PTGER3: variants seen among roughly 807,000 people sequenced by gnomAD.
PTGER3 encodes prostaglandin E receptor 3, also known as prostaglandin E2 receptor EP3 subtype.
In PTGER3, 22 loss-of-function variants were observed where a neutral mutation model predicts 34.7. The observed-to-expected ratio is 0.63, with a 90% CI of 0.45 to 0.91. The LOEUF is 0.91. Ranked by LOEUF, PTGER3 falls within the 40% of genes least tolerant of loss-of-function variation. The probability of loss-of-function intolerance (pLI) is 0.00; values close to 1 mark genes in which losing one functional copy is unlikely to be tolerated. For synonymous variants in PTGER3, 241 were observed against 230.1 expected (o/e 1.05, Z -0.43); for missense variants, 468 against 519.4 (o/e 0.90, Z 0.96).
At chr1:70,866,810 C>T (rs1199077020) in intron 4 of PTGER3, among the ~76,000 whole-genome samples, 1 of 152,178 alleles carries the variant, frequency 6.6e-6, no homozygotes, top group Non-Finnish European at 1.5e-5. Context: ...TAACTCCAAT[C>T]TGGACTTCTG....
intron 4 of PTGER3, among the ~76,000 whole-genome samples, chr1:70,922,527 G>T (rs1201104061): frequency 3.3e-5 from 5 of 152,182 alleles, no homozygotes; most frequent in South Asian, 4.2e-4. Context: ...ATGCCCACTA[G>T]CTGTGCTGGA....
At chr1:71,010,476 G>T (rs1040377630) in intron 2 of PTGER3, 2 of 983,538 alleles carry the variant, frequency 2.0e-6, no homozygotes, top group Non-Finnish European at 2.4e-6. Flanking sequence ...TATACTAGAT[G>T]CTGGAAGGAA....
exon 5 of PTGER3, chr1:70,852,539 G>T: frequency 2.3e-6 from 1 of 426,502 alleles, no homozygotes; most frequent in Non-Finnish European, 4.1e-6. Flanking sequence ...TAAATCTCAA[G>T]AAACATAATT....
intron 4 of PTGER3, among the ~76,000 whole-genome samples, chr1:70,893,698 A>T (rs191725016): frequency 3.4e-3 from 512 of 152,332 alleles, no homozygotes; most frequent in African/African-American, 0.012. Flanking sequence ...GGATTTTATT[A>T]CACAAAGTGT....
chr1:70,957,433 C>T (rs971151495), intron 2 of PTGER3, among the ~76,000 whole-genome samples: 3 of 152,178 alleles, frequency 2.0e-5, no homozygotes, highest in African/African-American at 4.8e-5. Flanking sequence ...TTATGAACAA[C>T]ATAAATATCT....
At chr1:70,966,031 A>G (rs1652480666), downstream of PTGER3, among the ~76,000 whole-genome samples, 1 of 152,192 alleles carries the variant, frequency 6.6e-6, no homozygotes, top group Non-Finnish European at 1.5e-5. Flanking sequence ...ACCAACTTTT[A>G]TCTGGAAATA....
chr1:70,982,961 A>G (rs1196280911), intron 2 of PTGER3, among the ~76,000 whole-genome samples: 1 of 152,280 alleles, frequency 6.6e-6, no homozygotes, highest in Admixed American at 6.5e-5. Context: ...TTATTTGTCA[A>G]TTAAAAATAA....
intron 4 of PTGER3, among the ~76,000 whole-genome samples, chr1:70,867,710 G>A (rs1023374390): frequency 4.0e-5 from 6 of 151,822 alleles, no homozygotes; most frequent in Non-Finnish European, 5.9e-5. Flanking sequence ...GGGTGACAGA[G>A]TAAGACTTCA....
At chr1:70,964,994 G>T (rs1652361723) in intron 2 of PTGER3, among the ~76,000 whole-genome samples, 1 of 152,200 alleles carries the variant, frequency 6.6e-6, no homozygotes, top group South Asian at 2.1e-4. Context: ...TCTAAAGGAA[G>T]GAGGTTTCTT....
At chr1:71,003,524 G>A (rs1304043158) in intron 2 of PTGER3, among the ~76,000 whole-genome samples, 1 of 152,138 alleles carries the variant, frequency 6.6e-6, no homozygotes, top group Non-Finnish European at 1.5e-5. Context: ...TGGATAACTT[G>A]TAATATTTTT....
chr1:70,858,978 T>A (rs1165797941), intron 4 of PTGER3, among the ~76,000 whole-genome samples: 1 of 152,208 alleles, frequency 6.6e-6, no homozygotes, highest in East Asian at 1.9e-4. Context: ...TTCAATAAGG[T>A]GTTAGGTATC....
At chr1:70,907,426 G>C (rs1572613840) in intron 4 of PTGER3, among the ~76,000 whole-genome samples, 1 of 152,204 alleles carries the variant, frequency 6.6e-6, no homozygotes, top group African/African-American at 2.4e-5. Flanking sequence ...TATCAATCAG[G>C]ACATGATGCG....
intron 2 of PTGER3, among the ~76,000 whole-genome samples, chr1:70,958,743 A>T (rs1284958517): frequency 6.6e-6 from 1 of 152,120 alleles, no homozygotes; most frequent in African/African-American, 2.4e-5. Context: ...TATTCAAAAA[A>T]CCTTTTCCCA....
chr1:70,954,865 T>C (rs1433742512), intron 2 of PTGER3, among the ~76,000 whole-genome samples: 1 of 152,018 alleles, frequency 6.6e-6, no homozygotes, highest in Non-Finnish European at 1.5e-5. Flanking sequence ...ACTACAAATA[T>C]ACTACTGAAA....
At position 70,996,639 on chromosome 1, in the gene PTGER3, T is replaced by TTTATTTATTTA. The variant is rs1553173494; in HGVS notation, c.1077+15665_1077+15666insTAAATAAATAA. ...CCATGCCCGGCTAATTTTTTTGTAT[T>TTTATTTATTTA]TTTATTTATTTATTTATTTATTTAT... On this transcript the variant is annotated intron_variant, in intron 2 of 3. Coordinates refer to ENST00000306666, the MANE Select transcript of PTGER3 (RefSeq NM_198719.2). Among the ~76,000 whole-genome samples, 1,140 of 122,730 alleles carry TTTATTTATTTA rather than the reference T, an allele frequency of 9.3e-3. 22 individuals are homozygous for TTTATTTATTTA. The highest frequency in any genetic ancestry group is 0.031 in the African/African-American group (1,032 of 33,350). The allele number at this position is 122,730 out of a possible 152,430, so 80.5% of individuals were successfully genotyped here. A position where few individuals can be genotyped will look rare whatever the true frequency, so the allele number is the denominator to read the frequency against.
At chr1:70,909,223 C>T (rs916452475) in intron 4 of PTGER3, among the ~76,000 whole-genome samples, 7 of 152,050 alleles carry the variant, frequency 4.6e-5, no homozygotes, top group Admixed American at 2.6e-4. Flanking sequence ...TGCAAAACAC[C>T]AAATTACACA....
intron 4 of PTGER3, among the ~76,000 whole-genome samples, chr1:70,856,141 A>G (rs563471528): frequency 6.6e-6 from 1 of 152,286 alleles, no homozygotes; most frequent in Non-Finnish European, 1.5e-5. Context: ...CAAGGTGTCT[A>G]TCACTATACT....
Position 71,047,010 on chromosome 1 carries a change from G to T in PTGER3, c.568C>A (p.Leu190Met). ...GVWLAVLAFA[L>M]LPVLGVGQYT... ...TGGCCCACGCCCAGCACCGGCAGCA[G>T]GGCGAAGGCGAGCACGGCCAGCCAC... The change falls in exon 1 of 4, where the codon CTG (leucine) becomes ATG (methionine). Residue 190 changes from leucine (L) to methionine (M), a missense_variant. This residue lies in a region of PTGER3 where 204 missense variants were observed against 230.8 expected (regional missense o/e 0.88). Coordinates refer to ENST00000306666, the MANE Select transcript of PTGER3 (RefSeq NM_198719.2). 6.2e-7 allele frequency: 1 copy of T among 1,611,252 alleles called. No homozygotes were observed. The highest frequency in any genetic ancestry group is 1.1e-5 in the South Asian group (1 of 90,870).
chr1:71,047,651 G>T lies in PTGER3; in HGVS notation c.-74C>A. The T allele has an allele frequency of 7.0e-7, 1 of 1,436,398 alleles. No individual in the cohort carries two copies. The highest frequency in any genetic ancestry group is 9.2e-7 in the Non-Finnish European group (1 of 1,086,664). 89.0% of individuals were successfully genotyped at this position (1,436,398 alleles called of 1,614,324 possible). On this transcript the variant is annotated 5_prime_UTR_variant, in exon 1 of 4. Transcript: ENST00000306666. ...AGGGGGCAGACGCGGCGCGGGCGGC[G>T]GCGGAGGTCGGCGTTTACCGCGGCT...
Sources: allele counts gnomAD v4.1 joint callset (sites outside exome capture counted in the v4.1 genomes callset), GRCh38; gene constraint gnomAD v4.1.1; regional missense constraint gnomAD v4.1.1; transcripts MANE v1.5; gene names NCBI Gene and HGNC (gene_info 2026-07-23, HGNC 2026-07-21).